SRBD1: variants seen among roughly 807,000 people sequenced by gnomAD.
SRBD1 encodes S1 RNA binding domain 1, also known as S1 RNA-binding domain-containing protein 1.
SRBD1 carries 88 observed loss-of-function variants against 115.3 expected under a neutral mutation model. That is an observed-to-expected ratio of 0.76 (90% CI 0.64 to 0.91). SRBD1 has a LOEUF of 0.91. Among genes scored for constraint, SRBD1 ranks in the 40% least tolerant of loss-of-function variants. SRBD1 has a pLI of 0.00. For synonymous variants in SRBD1, 509 were observed against 407.7 expected, an observed-to-expected ratio of 1.25 and a Z score of -2.99; for missense variants, 1,385 against 1,177.4, an observed-to-expected ratio of 1.18 and a Z score of -2.58.
In SRBD1 at chr2:45,602,015, C is replaced by A. The variant is rs1296461449; in HGVS notation, c.149G>T (p.Ser50Ile). ...AWEPQKKVPR[S>I]RKQPPPKESK... ...TTCCTTGGGAGGGGGCTGTTTACGGCTTCTGGGAACTTTCTTTTGGGGCTC... is the reference window on the plus strand; with the variant it reads ...TTCCTTGGGAGGGGGCTGTTTACGGATTCTGGGAACTTTCTTTTGGGGCTC... Residue 50 changes from serine (S) to isoleucine (I), a missense_variant, in exon 3 of 21, where the codon AGC becomes ATC. Physicochemically the swap from Ser to Ile is moderately radical, Grantham distance 142. Transcript: ENST00000263736. 2 of 1,614,104 alleles carry A rather than the reference C, an allele frequency of 1.2e-6. No homozygotes were observed. Among genetic ancestry groups the A allele is most frequent in the Non-Finnish European group, 1.7e-6 (2 of 1,180,036 alleles).
intron 9 of SRBD1, among the ~76,000 whole-genome samples, chr2:45,565,386 T>C (rs1380876566): frequency 2.6e-5 from 4 of 152,184 alleles, no homozygotes; most frequent in Admixed American, 6.5e-5. Context: ...GAAAATCCAA[T>C]CTTTTCAATA....
intron 16 of SRBD1, among the ~76,000 whole-genome samples, chr2:45,443,469 G>C (rs1380021621): frequency 6.6e-6 from 1 of 152,148 alleles, no homozygotes; most frequent in Non-Finnish European, 1.5e-5. Context: ...GGGGGGATTA[G>C]TGGAGGGACG....
At chr2:45,515,675 G>A (rs1383747115) in intron 14 of SRBD1, among the ~76,000 whole-genome samples, 1 of 152,104 alleles carries the variant, frequency 6.6e-6, no homozygotes, top group Non-Finnish European at 1.5e-5. Context: ...TGATCACTAT[G>A]CTGTTTCTCC....
chr2:45,609,511 C>T lies in SRBD1; in HGVS notation c.-1+1708G>A, dbSNP rs531580561. On this transcript the variant is annotated intron_variant, in intron 1 of 20. Coordinates refer to ENST00000263736, the MANE Select transcript of SRBD1 (RefSeq NM_018079.5). ...AATATGCTTTAGAAACAACGAATTA[C>T]TTCCCACCCCATCCTTCACTTAGAA... 2.6e-5 allele frequency among the ~76,000 whole-genome samples: 4 copies of T among 152,290 alleles called. No homozygotes were observed. The South Asian group carries it at 6.2e-4, about 24-fold the overall frequency.
At chr2:45,597,421 CAA>C (rs753591482) in intron 4 of SRBD1, among the ~76,000 whole-genome samples, 16 of 67,730 alleles carry the variant, frequency 2.4e-4, no homozygotes, top group Admixed American at 3.4e-4. Context: ...CTCTGTCTCA[CAA>C]AAAAAAAAAA....
intron 7 of SRBD1, among the ~76,000 whole-genome samples, chr2:45,576,240 T>C (rs2104162003): frequency 6.6e-6 from 1 of 152,336 alleles, no homozygotes; most frequent in Non-Finnish European, 1.5e-5. Flanking sequence ...CTTACAAATT[T>C]CTTAATAACA....
At chr2:45,494,806 A>G (rs1437722770) in intron 14 of SRBD1, among the ~76,000 whole-genome samples, 1 of 152,238 alleles carries the variant, frequency 6.6e-6, no homozygotes, top group Non-Finnish European at 1.5e-5. Context: ...GCAGAAAAAG[A>G]GAAAGAAAAT....
Position 45,527,969 on chromosome 2 carries a change from T to C in SRBD1, c.1874+18763A>G, listed in dbSNP as rs138334258. ...ACTGAAAACAGGAGCCAAAATTTCA[T>C]TGTAAATAATAGGAGCAGATCAGGA... is the stretch of plus-strand genomic sequence containing the variant. On this transcript the variant is annotated intron_variant, in intron 14 of 20. Coordinates refer to ENST00000263736, the MANE Select transcript of SRBD1 (RefSeq NM_018079.5). Among the ~76,000 whole-genome samples, 131 of 152,000 alleles carry C rather than the reference T, an allele frequency of 8.6e-4. 1 individual carries two copies. The highest frequency in any genetic ancestry group is 6.6e-3 in the East Asian group (34 of 5,176).
At chr2:45,455,011 C>T (rs1669110012) in intron 16 of SRBD1, among the ~76,000 whole-genome samples, 1 of 151,716 alleles carries the variant, frequency 6.6e-6, no homozygotes, top group African/African-American at 2.4e-5. Flanking sequence ...AATTTAGCAT[C>T]TCTTTTCTCC....
intron 14 of SRBD1, among the ~76,000 whole-genome samples, chr2:45,516,330 T>C (rs781562573): frequency 6.6e-6 from 1 of 152,190 alleles, no homozygotes; most frequent in Non-Finnish European, 1.5e-5. Context: ...ATCTGTGTGC[T>C]TAATGGTACC....
intron 18 of SRBD1, among the ~76,000 whole-genome samples, chr2:45,414,199 T>C (rs1042830660): frequency 3.3e-5 from 5 of 152,058 alleles, no homozygotes; most frequent in Non-Finnish European, 7.4e-5. Flanking sequence ...AGCATTCAAG[T>C]AGGAGGGCAA....
intron 19 of SRBD1, among the ~76,000 whole-genome samples, chr2:45,400,827 A>T (rs2343476): frequency 1.4e-5 from 2 of 139,228 alleles, no homozygotes; most frequent in East Asian, 5.2e-4. Flanking sequence ...AGAGAGGTTA[A>T]ATAACATTCC....
At chr2:45,466,223 T>C (rs996130479) in intron 16 of SRBD1, among the ~76,000 whole-genome samples, 1 of 152,136 alleles carries the variant, frequency 6.6e-6, no homozygotes, top group African/African-American at 2.4e-5. Context: ...ATAAGAAATG[T>C]AGGGGAACAA....
At chr2:45,521,732 C>A (rs113404438) in intron 14 of SRBD1, among the ~76,000 whole-genome samples, 1 of 152,020 alleles carries the variant, frequency 6.6e-6, no homozygotes, top group African/African-American at 2.4e-5. Flanking sequence ...TTTAGGTGGC[C>A]AAAGTGGGAG....
chr2:45,564,126 C>T (rs184951768), intron 9 of SRBD1, among the ~76,000 whole-genome samples: 1 of 151,946 alleles, frequency 6.6e-6, no homozygotes, highest in Non-Finnish European at 1.5e-5. Flanking sequence ...CAGGAATGCC[C>T]GGTTGATTTA....
intron 9 of SRBD1, among the ~76,000 whole-genome samples, chr2:45,570,510 C>T (rs1010731268): frequency 9.2e-5 from 14 of 152,304 alleles, no homozygotes; most frequent in Admixed American, 4.6e-4. Flanking sequence ...AGTGACATCA[C>T]TGAAAATTGT....
intron 19 of SRBD1, among the ~76,000 whole-genome samples, chr2:45,410,182 T>TA (rs544724025): frequency 1.9e-3 from 284 of 152,228 alleles, no homozygotes; most frequent in South Asian, 4.2e-3. Context: ...AAATGCAAAT[T>TA]AAAACCACAT....
chr2:45,549,154 T>C (rs1328872920), intron 12 of SRBD1: 15 of 152,020 alleles, frequency 9.9e-5, no homozygotes, highest in Admixed American at 9.2e-4. Context: ...AATTCCACAC[T>C]GAGGAGAAAC....
At chr2:45,598,558 G>A (rs556840626) in intron 4 of SRBD1, among the ~76,000 whole-genome samples, 1 of 151,328 alleles carries the variant, frequency 6.6e-6, no homozygotes, top group Non-Finnish European at 1.5e-5. Context: ...AGCTGACAGT[G>A]AGCACCACTG....
Sources: allele counts gnomAD v4.1 joint callset (sites outside exome capture counted in the v4.1 genomes callset), GRCh38; gene constraint gnomAD v4.1.1; transcripts MANE v1.5; gene names NCBI Gene and HGNC (gene_info 2026-07-23, HGNC 2026-07-21).